The following CNTN5 variants were observed in gnomAD, a reference collection of about 807,000 sequenced individuals.
CNTN5 encodes contactin-5.
CNTN5 carries 77 observed loss-of-function variants against 129.1 expected under a neutral mutation model. The observed-to-expected ratio is 0.60, with a 90% CI of 0.50 to 0.72. CNTN5 has a LOEUF of 0.72. Ranked by LOEUF, CNTN5 falls within the 30% of genes least tolerant of loss-of-function variation. The pLI, the probability that CNTN5 is intolerant of heterozygous loss-of-function variation, is 0.00. For missense variants in CNTN5, 1,478 were observed against 1,328.8 expected (o/e 1.11, Z -1.75); for synonymous variants, 509 against 465.6 (o/e 1.09, Z -1.20).
chr11:99,454,398 C>T (rs1944418818), intron 2 of CNTN5, among the ~76,000 whole-genome samples: 1 of 152,198 alleles, frequency 6.6e-6, no homozygotes, highest in South Asian at 2.1e-4. Flanking sequence ...CCCAGTTTTC[C>T]CCATGCTGTT....
At chr11:100,333,665 A>G (rs1951959540) in intron 21 of CNTN5, among the ~76,000 whole-genome samples, 1 of 152,132 alleles carries the variant, frequency 6.6e-6, no homozygotes, top group African/African-American at 2.4e-5. Context: ...TGACAAATCA[A>G]ACAAAAACAT....
At chr11:99,485,269 T>C (rs937563126) in intron 2 of CNTN5, among the ~76,000 whole-genome samples, 5 of 151,416 alleles carry the variant, frequency 3.3e-5, no homozygotes, top group Non-Finnish European at 7.4e-5. Context: ...GTGATTTCCA[T>C]GGATTAGTGG....
intron 9 of CNTN5, among the ~76,000 whole-genome samples, chr11:100,009,047 A>G (rs7947501): frequency 0.4 from 61,480 of 151,842 alleles, 13,479 homozygotes; most frequent in African/African-American, 0.58. Context: ...TTAAGAAAAA[A>G]GAAAACAAAT....
intron 3 of CNTN5, among the ~76,000 whole-genome samples, chr11:99,628,643 C>T (rs976553988): frequency 5.3e-5 from 8 of 151,448 alleles, no homozygotes; most frequent in African/African-American, 1.9e-4. Context: ...CACACACACA[C>T]ACACACACAG....
At chr11:99,581,828 T>C (rs901654490) in intron 3 of CNTN5, among the ~76,000 whole-genome samples, 1 of 152,222 alleles carries the variant, frequency 6.6e-6, no homozygotes, top group Non-Finnish European at 1.5e-5. Flanking sequence ...CATTTACATT[T>C]AAGGTTATTA....
chr11:99,582,157 A>C (rs1444583828), intron 3 of CNTN5, among the ~76,000 whole-genome samples: 5 of 151,948 alleles, frequency 3.3e-5, no homozygotes, highest in Non-Finnish European at 7.4e-5. Flanking sequence ...ATTGGCCCCC[A>C]CTCTCTTCTT....
chr11:99,218,990 T>C (rs1048286972), intron 1 of CNTN5, among the ~76,000 whole-genome samples: 1 of 152,092 alleles, frequency 6.6e-6, no homozygotes, highest in Non-Finnish European at 1.5e-5. Context: ...TAGATTTTGA[T>C]ACTGGTAAGC....
intron 3 of CNTN5, among the ~76,000 whole-genome samples, chr11:99,701,326 A>T (rs1434435073): frequency 6.6e-6 from 1 of 151,190 alleles, no homozygotes; most frequent in Non-Finnish European, 1.5e-5. Flanking sequence ...AGTCCTAGGA[A>T]AAAAGTAGTT....
chr11:99,157,637 C>T (rs1453422132), intron 1 of CNTN5, among the ~76,000 whole-genome samples: 1 of 152,068 alleles, frequency 6.6e-6, no homozygotes, highest in Admixed American at 6.6e-5. Context: ...TAAGGTTTGA[C>T]ACTCCTTTAA....
intron 2 of CNTN5, among the ~76,000 whole-genome samples, chr11:99,441,360 T>A (rs976249851): frequency 6.6e-6 from 1 of 152,170 alleles, no homozygotes; most frequent in East Asian, 1.9e-4. Context: ...AATAAAATAA[T>A]CTTGAACATT....
At position 100,281,742 on chromosome 11, in the gene CNTN5, T is replaced by C. The variant is rs139460818; in HGVS notation, c.2314+10501T>C. ...TCTTAGATTTGCCCTTTTGAGGCTA[T>C]TTTCTAAATCTTGTAGGTGTGCTTC... On this transcript the variant is annotated intron_variant, in intron 18 of 24. Coordinates refer to ENST00000524871, the MANE Select transcript of CNTN5 (RefSeq NM_014361.4). 6.1e-3 allele frequency among the ~76,000 whole-genome samples: 930 copies of C among 152,302 alleles called. 4 individuals are homozygous for C. The highest frequency in any genetic ancestry group is 0.01 in the Middle Eastern group (3 of 294).
At chr11:99,813,834 G>T (rs1456282207) in intron 3 of CNTN5, among the ~76,000 whole-genome samples, 2 of 152,058 alleles carry the variant, frequency 1.3e-5, no homozygotes, top group Non-Finnish European at 2.9e-5. Flanking sequence ...AGCAAAAAAT[G>T]GTCCTTAAAC....
chr11:100,267,132 A>G (rs1219134898), intron 17 of CNTN5, among the ~76,000 whole-genome samples: 2 of 152,120 alleles, frequency 1.3e-5, no homozygotes, highest in Admixed American at 6.6e-5. Flanking sequence ...CAGTCAACTC[A>G]GGCTGCTATA....
In CNTN5 at chr11:99,748,222, A is replaced by G. The variant is rs1944119094; in HGVS notation, c.56-71322A>G. ...TATGAGGGTAATGTTAGTCTTGTAC[A>G]ATGAGTTTGTAAGCATTCCCTCCTC... On this transcript the variant is annotated intron_variant, in intron 3 of 24. Coordinates refer to ENST00000524871, the MANE Select transcript of CNTN5 (RefSeq NM_014361.4). Among the ~76,000 whole-genome samples the G allele has an allele frequency of 3.9e-5, 6 of 152,042 alleles. No individual in the cohort carries two copies. In the South Asian group the frequency reaches 1.2e-3, roughly 31 times the overall value.
At chr11:100,208,725 C>A (rs1591394183) in intron 15 of CNTN5, among the ~76,000 whole-genome samples, 1 of 152,312 alleles carries the variant, frequency 6.6e-6, no homozygotes, top group Non-Finnish European at 1.5e-5. Flanking sequence ...CCACAGAAGT[C>A]TCATTCAATC....
intron 3 of CNTN5, among the ~76,000 whole-genome samples, chr11:99,683,838 T>G (rs1000823465): frequency 6.6e-6 from 1 of 151,644 alleles, no homozygotes; most frequent in African/African-American, 2.4e-5. Flanking sequence ...ATTTTAAAAA[T>G]TATATATTTA....
At chr11:99,098,575 T>G (rs1020206037) in intron 1 of CNTN5, among the ~76,000 whole-genome samples, 4 of 152,090 alleles carry the variant, frequency 2.6e-5, no homozygotes, top group Non-Finnish European at 4.4e-5. Context: ...AAATAAAAAC[T>G]GCTAGTAACT....
intron 3 of CNTN5, among the ~76,000 whole-genome samples, chr11:99,698,208 A>G (rs1954357573): frequency 6.6e-6 from 1 of 151,470 alleles, no homozygotes; most frequent in Non-Finnish European, 1.5e-5. Flanking sequence ...ACAGAAATAC[A>G]TTATTCAAGT....
At chr11:99,979,265 T>C (rs528300380) in intron 8 of CNTN5, among the ~76,000 whole-genome samples, 49 of 151,744 alleles carry the variant, frequency 3.2e-4, no homozygotes, top group Admixed American at 6.6e-4. Context: ...GTGTGAAGAG[T>C]AAAGAGGTAT....
Sources: gnomAD v4.1 joint callset for allele counts (sites outside exome capture counted in the v4.1 genomes callset) on GRCh38, gnomAD v4.1.1 for gene constraint, MANE v1.5 for transcripts, NCBI Gene and HGNC (gene_info 2026-07-23, HGNC 2026-07-21) for gene names.